ADAMTS16: variants seen among roughly 807,000 people sequenced by gnomAD.
The protein encoded by ADAMTS16 is ADAM metallopeptidase with thrombospondin type 1 motif 16, also known as A disintegrin and metalloproteinase with thrombospondin motifs 16.
In ADAMTS16, 94 loss-of-function variants were observed where a neutral mutation model predicts 145.8. The ratio of observed to expected loss-of-function variants is 0.64; its 90% CI spans 0.55 to 0.77. ADAMTS16 has a LOEUF of 0.77. Ranked by LOEUF, ADAMTS16 falls within the 30% of genes least tolerant of loss-of-function variation. The pLI, the probability that ADAMTS16 is intolerant of heterozygous loss-of-function variation, is 0.00. For missense variants in ADAMTS16, 1,585 were observed against 1,591.5 expected, an observed-to-expected ratio of 1.00 and a Z score of 0.07; for synonymous variants, 659 against 604.3, an observed-to-expected ratio of 1.09 and a Z score of -1.33.
intron 17 of ADAMTS16, among the ~76,000 whole-genome samples, chr5:5,251,917 C>G (rs531997833): frequency 2.6e-5 from 4 of 152,006 alleles, no homozygotes; most frequent in African/African-American, 9.7e-5. Flanking sequence ...AGTGCAGTGG[C>G]GCGACCTCGG....
At chr5:5,284,667 T>G (rs1326300973) in intron 18 of ADAMTS16, among the ~76,000 whole-genome samples, 1 of 152,256 alleles carries the variant, frequency 6.6e-6, no homozygotes, top group Non-Finnish European at 1.5e-5. Flanking sequence ...GTGTCTTCAT[T>G]GAATTCTCAC....
intron 14 of ADAMTS16, 79 bp downstream of exon 14, chr5:5,237,178 A>C: frequency 6.8e-7 from 1 of 1,477,620 alleles, no homozygotes; most frequent in Non-Finnish European, 9.2e-7. Context: ...GAGGCTAGAA[A>C]GACTGGACAT....
At chr5:5,245,267 G>A (rs984506892) in intron 17 of ADAMTS16, among the ~76,000 whole-genome samples, 3 of 152,150 alleles carry the variant, frequency 2.0e-5, no homozygotes, top group African/African-American at 7.2e-5. Context: ...TCTGACAATA[G>A]CATGTTTTAA....
At chr5:5,246,521 C>CCATT (rs1737448734) in intron 17 of ADAMTS16, among the ~76,000 whole-genome samples, 1 of 152,148 alleles carries the variant, frequency 6.6e-6, no homozygotes, top group Non-Finnish European at 1.5e-5. Flanking sequence ...ATCCATTTAT[C>CCATT]CATTCATTCA....
chr5:5,140,928 C>T lies in ADAMTS16; in HGVS notation c.175+162C>T, dbSNP rs142399925. ...TTTTTTTAACTGTATGAGCGAGCCC[C>T]GATGAGTGGATTTCCACCAATATTT... On this transcript the variant is annotated intron_variant, in intron 2 of 22. Coordinates refer to ENST00000274181, the MANE Select transcript of ADAMTS16 (RefSeq NM_139056.4). Among the ~76,000 whole-genome samples the T allele has an allele frequency of 2.1e-3, 325 of 152,068 alleles. 1 individual carries two copies. The highest frequency in any genetic ancestry group is 7.4e-3 in the African/African-American group (308 of 41,480).
chr5:5,256,446 T>C (rs984196844), intron 17 of ADAMTS16, among the ~76,000 whole-genome samples: 5 of 152,214 alleles, frequency 3.3e-5, no homozygotes, highest in African/African-American at 1.2e-4. Context: ...TGTTTTTCAT[T>C]GAGTTTTAAA....
chr5:5,296,394 C>A (rs1739532800), intron 18 of ADAMTS16, among the ~76,000 whole-genome samples: 1 of 152,200 alleles, frequency 6.6e-6, no homozygotes, highest in Non-Finnish European at 1.5e-5. Context: ...CCCGCCCTCC[C>A]CAGTTTTTTT....
intron 7 of ADAMTS16, among the ~76,000 whole-genome samples, chr5:5,191,237 T>G (rs959143846): frequency 1.3e-5 from 2 of 152,240 alleles, no homozygotes; most frequent in Non-Finnish European, 2.9e-5. Context: ...ATGCTCGTTA[T>G]GACAGATGTG....
chr5:5,259,690 G>A (rs1010478471), intron 17 of ADAMTS16, among the ~76,000 whole-genome samples: 1 of 152,182 alleles, frequency 6.6e-6, no homozygotes, highest in African/African-American at 2.4e-5. Context: ...TCAGTAAATC[G>A]GCACTGTACA....
intron 18 of ADAMTS16, among the ~76,000 whole-genome samples, chr5:5,292,498 AAATAAT>A (rs55690811): frequency 0.77 from 112,966 of 146,692 alleles, 43,856 homozygotes; most frequent in South Asian, 0.81. Context: ...ACTCCAGCTC[AAATAAT>A]AATAATAATA....
chr5:5,263,728 T>C (rs1396047570), intron 18 of ADAMTS16, among the ~76,000 whole-genome samples: 1 of 152,120 alleles, frequency 6.6e-6, no homozygotes, highest in Admixed American at 6.5e-5. Context: ...GCTAATTAGC[T>C]CTTTTAGTTC....
intron 21 of ADAMTS16, among the ~76,000 whole-genome samples, chr5:5,307,029 A>T (rs1376172425): frequency 6.6e-6 from 1 of 152,172 alleles, no homozygotes; most frequent in Admixed American, 6.5e-5. Flanking sequence ...AATTCCCCAG[A>T]GATGAGTGTG....
At chr5:5,274,792 T>C (rs1027075154) in intron 18 of ADAMTS16, among the ~76,000 whole-genome samples, 3 of 152,118 alleles carry the variant, frequency 2.0e-5, no homozygotes, top group Non-Finnish European at 4.4e-5. Flanking sequence ...GGCAGAAAGA[T>C]ACCTTGTGAA....
At chr5:5,228,305 T>C (rs1736824476) in intron 11 of ADAMTS16, among the ~76,000 whole-genome samples, 1 of 152,124 alleles carries the variant, frequency 6.6e-6, no homozygotes, top group Non-Finnish European at 1.5e-5. Flanking sequence ...TTTTAAACTG[T>C]TTTCAGTAAT....
At chr5:5,151,849 T>C (rs1308942221) in intron 3 of ADAMTS16, among the ~76,000 whole-genome samples, 1 of 152,156 alleles carries the variant, frequency 6.6e-6, no homozygotes, top group Non-Finnish European at 1.5e-5. Context: ...TCATCCTATG[T>C]AACAGTAAGC....
chr5:5,248,324 C>T (rs76428434), intron 17 of ADAMTS16, among the ~76,000 whole-genome samples: 1 of 152,230 alleles, frequency 6.6e-6, no homozygotes, highest in Non-Finnish European at 1.5e-5. Context: ...AAGCGGTTTC[C>T]AAAGACCTGG....
intron 17 of ADAMTS16, among the ~76,000 whole-genome samples, chr5:5,243,677 C>G (rs1372619090): frequency 6.6e-6 from 1 of 152,210 alleles, no homozygotes; most frequent in Non-Finnish European, 1.5e-5. Context: ...CTTTCTTGTA[C>G]ATTTTCATTT....
At position 5,240,039 on chromosome 5, in the gene ADAMTS16, G is replaced by A. The variant is rs1040793828; in HGVS notation, c.2523+114G>A. 4 of 1,480,670 alleles carry A rather than the reference G, an allele frequency of 2.7e-6. No individual in the cohort carries two copies. The African/African-American group carries it at 4.2e-5, about 16-fold the overall frequency. 91.7% of individuals were successfully genotyped at this position (1,480,670 alleles called of 1,614,324 possible). The stretch of plus-strand genomic sequence containing the variant: ...AAGAATGTAAACAGTTATAAAAAGA[G>A]TGATCCATCCATAGCCGGAATGAGG... On this transcript the variant is annotated intron_variant, in intron 16 of 22. Coordinates refer to ENST00000274181, the MANE Select transcript of ADAMTS16 (RefSeq NM_139056.4).
intron 3 of ADAMTS16, among the ~76,000 whole-genome samples, chr5:5,175,356 A>T (rs1735162877): frequency 6.6e-6 from 1 of 152,146 alleles, no homozygotes; most frequent in African/African-American, 2.4e-5. Flanking sequence ...GCCCTATCTT[A>T]CTGGGGCAGA....
Sources: gnomAD v4.1 joint callset for allele counts (sites outside exome capture counted in the v4.1 genomes callset) on GRCh38, gnomAD v4.1.1 for gene constraint, MANE v1.5 for transcripts, NCBI Gene and HGNC (gene_info 2026-07-23, HGNC 2026-07-21) for gene names.